Variants in FCHSD2 observed in about 807,000 individuals in gnomAD.
FCHSD2 encodes F-BAR and double SH3 domains protein 2.
Under a neutral mutation model 108.1 loss-of-function variants are expected in FCHSD2, and 38 were observed. The observed-to-expected ratio is 0.35, with a 90% CI of 0.27 to 0.46. The LOEUF is 0.46. Among genes scored for constraint, FCHSD2 ranks in the 20% least tolerant of loss-of-function variants. The pLI is 1.00. For synonymous variants in FCHSD2, 279 were observed against 314.7 expected, an observed-to-expected ratio of 0.89 and a Z score of 1.20; for missense variants, 751 against 897.8, an observed-to-expected ratio of 0.84 and a Z score of 2.09.
At chr11:72,978,096 G>A (rs1857141321) in intron 8 of FCHSD2, among the ~76,000 whole-genome samples, 1 of 151,986 alleles carries the variant, frequency 6.6e-6, no homozygotes, top group Admixed American at 6.6e-5. Flanking sequence ...TCACTCATAG[G>A]TGGGAATTGA....
At chr11:73,037,189 G>C (rs532221007) in intron 3 of FCHSD2, among the ~76,000 whole-genome samples, 1 of 152,270 alleles carries the variant, frequency 6.6e-6, no homozygotes, top group African/African-American at 2.4e-5. Flanking sequence ...GAGTTCCCAT[G>C]TATCACTTGC....
At chr11:72,981,791 C>A (rs1418261250) in intron 8 of FCHSD2, among the ~76,000 whole-genome samples, 2 of 152,118 alleles carry the variant, frequency 1.3e-5, no homozygotes, top group Admixed American at 1.3e-4. Context: ...GCCTGGGCAA[C>A]AAAGTGAGAC....
At chr11:72,864,483 T>C (rs1397764601) in intron 13 of FCHSD2, among the ~76,000 whole-genome samples, 1 of 152,126 alleles carries the variant, frequency 6.6e-6, no homozygotes, top group Non-Finnish European at 1.5e-5. Flanking sequence ...AGGTTGAGAC[T>C]GCAGTGAGCC....
At chr11:73,088,670 T>A (rs1375399986) in intron 2 of FCHSD2, among the ~76,000 whole-genome samples, 1 of 152,200 alleles carries the variant, frequency 6.6e-6, no homozygotes, top group Non-Finnish European at 1.5e-5. Flanking sequence ...CATGTTGTTT[T>A]TCTAAAATTG....
At chr11:72,865,279 T>C (rs1854696143) in intron 13 of FCHSD2, among the ~76,000 whole-genome samples, 1 of 152,188 alleles carries the variant, frequency 6.6e-6, no homozygotes. Flanking sequence ...TCTAAATAAT[T>C]TCAGTGCTGT....
chr11:72,966,814 T>C (rs1856916203), intron 8 of FCHSD2, among the ~76,000 whole-genome samples: 1 of 152,110 alleles, frequency 6.6e-6, no homozygotes. Context: ...AACCTGACGC[T>C]AGAAGAAAAT....
intron 3 of FCHSD2, among the ~76,000 whole-genome samples, chr11:73,065,513 C>T (rs778731733): frequency 6.6e-6 from 1 of 151,982 alleles, no homozygotes; most frequent in African/African-American, 2.4e-5. Flanking sequence ...CCAGAGCAAT[C>T]AAGAAAGAGA....
chr11:72,861,291 G>A (rs1019440294), intron 13 of FCHSD2, among the ~76,000 whole-genome samples: 1 of 151,688 alleles, frequency 6.6e-6, no homozygotes, highest in African/African-American at 2.4e-5. Context: ...TAGATGGAAT[G>A]GACAAATTCC....
At chr11:72,965,671 A>G (rs1224272511) in intron 8 of FCHSD2, among the ~76,000 whole-genome samples, 1 of 152,028 alleles carries the variant, frequency 6.6e-6, no homozygotes, top group Non-Finnish European at 1.5e-5. Flanking sequence ...CAAGATTTAG[A>G]GCATTTCCAA....
At chr11:73,068,813 TAAAA>T (rs1237723120) in intron 3 of FCHSD2, among the ~76,000 whole-genome samples, 1 of 83,020 alleles carries the variant, frequency 1.2e-5, no homozygotes, top group African/African-American at 5.7e-5. Flanking sequence ...CTACAAAAAG[TAAAA>T]AAAAAAAAAA....
chr11:73,141,500 A>T (rs796165520), intron 1 of FCHSD2, among the ~76,000 whole-genome samples: 40 of 152,358 alleles, frequency 2.6e-4, no homozygotes, highest in African/African-American at 9.1e-4. Context: ...CACACGCACA[A>T]GGCTCTGCAA....
At chr11:73,083,773 G>A in intron 2 of FCHSD2, 33 bp from the exon 3 acceptor site, 2 of 1,337,678 alleles carry the variant, frequency 1.5e-6, no homozygotes, top group South Asian at 1.3e-5. Flanking sequence ...ATTACCAGAA[G>A]GATAACTTAA....
At chr11:73,076,396 T>G (rs1461570710) in intron 3 of FCHSD2, among the ~76,000 whole-genome samples, 1 of 152,154 alleles carries the variant, frequency 6.6e-6, no homozygotes, top group Admixed American at 6.5e-5. Flanking sequence ...TAGTAAAACA[T>G]GTAAGAACCT....
Position 72,843,324 on chromosome 11 carries a change from C to T in FCHSD2, c.1532G>A (p.Arg511Gln), listed in dbSNP as rs374946704. Residue 511 changes from arginine to glutamine, a missense_variant, in exon 16 of 20, where the codon CGA (arginine) becomes CAA (glutamine). Arg to Gln is a conservative substitution (Grantham distance 43). Coordinates refer to ENST00000409418, the MANE Select transcript of FCHSD2 (RefSeq NM_014824.3). The stretch of plus-strand genomic sequence containing the variant: ...ATAACCCACTTGGCCAACTTTATTT[C>T]GAGCCTGGGTAAAAGACATGTGACA... ...DGDMEDWVKA[R>Q]NKVGQVGYVP... is the part of the protein sequence containing the mutation. The T allele has an allele frequency of 2.3e-5, 37 of 1,613,136 alleles. No homozygotes were observed. The highest frequency in any genetic ancestry group is 6.7e-5 in the Admixed American group (4 of 59,958).
chr11:72,851,246 A>G (rs1861280872), intron 13 of FCHSD2, among the ~76,000 whole-genome samples: 1 of 152,120 alleles, frequency 6.6e-6, no homozygotes, highest in African/African-American at 2.4e-5. Flanking sequence ...TAAACATACC[A>G]TTGATCTAGC....
intron 8 of FCHSD2, among the ~76,000 whole-genome samples, chr11:72,957,036 C>CTT (rs761406851): frequency 7.0e-6 from 1 of 143,860 alleles, no homozygotes; most frequent in African/African-American, 2.6e-5. Flanking sequence ...TTTTTTTCTT[C>CTT]TTTTTTTTTA....
chr11:72,998,618 A>T (rs1195060219), intron 5 of FCHSD2, among the ~76,000 whole-genome samples: 2 of 152,142 alleles, frequency 1.3e-5, no homozygotes, highest in African/African-American at 4.8e-5. Flanking sequence ...TAAGTTAGGG[A>T]GGGATATTAT....
intron 3 of FCHSD2, among the ~76,000 whole-genome samples, chr11:73,051,340 A>G (rs1858894396): frequency 6.6e-6 from 1 of 152,154 alleles, no homozygotes; most frequent in Admixed American, 6.6e-5. Flanking sequence ...TAAAAAATTT[A>G]AATCTGAGAA....
rs548003355 is a variant in FCHSD2 at position 73,113,854 on chromosome 11, C to T, written c.119+26177G>A. Among the ~76,000 whole-genome samples the T allele has an allele frequency of 2.6e-5, 4 of 152,264 alleles. 1 individual carries two copies. Among genetic ancestry groups the T allele is most frequent in the African/African-American group, 9.6e-5 (4 of 41,570 alleles). On this transcript the variant is annotated intron_variant, in intron 2 of 19. Transcript: ENST00000409418. ...TCTTGAAAACTTGTAGTGGTACTGCCTTAGTGGTCTTGGTTAAGATCCAGA... is the reference window on the plus strand; with the variant it reads ...TCTTGAAAACTTGTAGTGGTACTGCTTTAGTGGTCTTGGTTAAGATCCAGA...
Sources: allele counts gnomAD v4.1 joint callset (sites outside exome capture counted in the v4.1 genomes callset), GRCh38; gene constraint gnomAD v4.1.1; transcripts MANE v1.5; gene names NCBI Gene and HGNC (gene_info 2026-07-23, HGNC 2026-07-21).